Variants in ANKAR observed in about 807,000 individuals in gnomAD.
The protein encoded by ANKAR is ankyrin and armadillo repeat containing, also known as ankyrin and armadillo repeat-containing protein.
A neutral mutation model predicts 146.2 loss-of-function variants in ANKAR; 136 were observed. That is an observed-to-expected ratio of 0.93 (90% confidence interval 0.81 to 1.07). ANKAR has a LOEUF of 1.07. ANKAR is among the 50% of genes least tolerant of loss of function. The pLI, the probability that ANKAR is intolerant of heterozygous loss-of-function variation, is 0.00. For missense variants in ANKAR, 1,567 were observed against 1,679.9 expected (o/e 0.93, Z 1.18); for synonymous variants, 500 against 575.8 (o/e 0.87, Z 1.88).
chr2:189,696,042 A>C (rs762525862), intron 6 of ANKAR, 108 bp from the exon 7 acceptor site: 78 of 942,660 alleles, frequency 8.3e-5, no homozygotes, highest in Non-Finnish European at 1.2e-4. Context: ...ATTCTACTTA[A>C]TTTTAACAGC....
chr2:189,695,206 T>C, intron 6 of ANKAR, 45 bp downstream of exon 6: 1 of 1,446,042 alleles, frequency 6.9e-7, no homozygotes, highest in Non-Finnish European at 9.3e-7. Flanking sequence ...AAGTTATGTA[T>C]TATTGATAAG....
At chr2:189,702,197 A>G (rs2038172497) in intron 7 of ANKAR, among the ~76,000 whole-genome samples, 1 of 152,192 alleles carries the variant, frequency 6.6e-6, no homozygotes, top group Non-Finnish European at 1.5e-5. Flanking sequence ...GTTTCTCTTG[A>G]GAGCAGGTCT....
chr2:189,753,114 ATATC>A (rs2105989179), intron 18 of ANKAR: 1 of 658,994 alleles, frequency 1.5e-6, no homozygotes, highest in East Asian at 3.1e-5. Flanking sequence ...GGCAGATGAC[ATATC>A]TATGTAATAA....
chr2:189,752,627 TAA>T lies in ANKAR; in HGVS notation c.*584+7841_*584+7842del. 1.9e-6 allele frequency: 3 copies of T among 1,611,674 alleles called. No individual in the cohort carries two copies. The South Asian group carries it at 3.3e-5, about 18-fold the overall frequency. ...TTTGTCTTAAGTAATGTAACTTGCA[TAA>T]AGATCATGAATGATACCACATACTT... On this transcript the variant is annotated intron_variant and NMD_transcript_variant, in intron 18 of 18. Coordinates refer to the ANKAR transcript ENST00000441800.
intron 7 of ANKAR, 71 bp from the exon 8 acceptor site, chr2:189,704,952 A>G: frequency 7.0e-7 from 1 of 1,424,970 alleles, no homozygotes; most frequent in South Asian, 1.2e-5. Flanking sequence ...GCTGGATATC[A>G]ATAAGGCATT....
intron 22 of ANKAR, 129 bp downstream of exon 22, chr2:189,744,917 GGAGGCC>G: frequency 1.6e-6 from 1 of 642,834 alleles, no homozygotes; most frequent in Non-Finnish European, 2.6e-6. Context: ...CAGCACTTTG[GGAGGCC>G]GAGGTGGGCA....
At chr2:189,699,935 A>C (rs144279549) in intron 7 of ANKAR, among the ~76,000 whole-genome samples, 47 of 152,148 alleles carry the variant, frequency 3.1e-4, no homozygotes, top group African/African-American at 1.1e-3. Context: ...CAAAGTGCTG[A>C]GATTACAGGC....
At chr2:189,700,819 A>G (rs1257160458) in intron 7 of ANKAR, among the ~76,000 whole-genome samples, 3 of 152,204 alleles carry the variant, frequency 2.0e-5, no homozygotes, top group Non-Finnish European at 4.4e-5. Flanking sequence ...TTCACTTAAC[A>G]TAATGACCTC....
Position 189,733,196 on chromosome 2 carries a change from T to G in ANKAR, c.3390T>G (p.Ala1130=). The change falls in exon 17 of 23, where the codon GCT becomes GCG. Residue 1130 remains alanine (A), a synonymous_variant. Transcript: ENST00000684021. ...ATGAAAATGAAGGATTTGAATATGC[T>G]GATGTCCTTTATCTTCTTCACTCAA... is the stretch of plus-strand genomic sequence containing the variant. ...DLHENEGFEY[A]DVLYLLHSTE... 6.2e-7 allele frequency: 1 copy of G among 1,611,540 alleles called. No homozygotes were observed. The highest frequency in any genetic ancestry group is 8.5e-7 in the Non-Finnish European group (1 of 1,178,674).
intron 18 of ANKAR, among the ~76,000 whole-genome samples, chr2:189,755,934 G>A (rs1391283931): frequency 2.6e-5 from 4 of 152,128 alleles, no homozygotes; most frequent in Non-Finnish European, 2.9e-5. Context: ...AGATTACTGC[G>A]AAAGTATTTG....
chr2:189,700,284 C>T (rs185245994), intron 7 of ANKAR, among the ~76,000 whole-genome samples: 110 of 152,228 alleles, frequency 7.2e-4, no homozygotes, highest in African/African-American at 1.6e-3. Context: ...TATTTTCCTC[C>T]GCACACTTCC....
Position 189,705,208 on chromosome 2 carries a change from G to A in ANKAR, c.1894G>A (p.Ala632Thr), listed in dbSNP as rs1343426199. ...TAGGAAGGATCCTAGTTTGCTAGAA[G>A]CTGAGGCAACAGCTGAGTAAGTCAT... is the stretch of plus-strand genomic sequence containing the variant. ...LCRKDPSLLE[A>T]EATAENQCTP... The change falls in exon 8 of 23, where the codon GCT becomes ACT. Residue 632 changes from alanine (A) to threonine (T), a missense_variant. Coordinates refer to ENST00000684021, the MANE Select transcript of ANKAR (RefSeq NM_001378068.1). The A allele has an allele frequency of 6.2e-7, 1 of 1,614,024 alleles. No homozygotes were observed.
intron 12 of ANKAR, among the ~76,000 whole-genome samples, chr2:189,721,387 T>C (rs1367455081): frequency 6.6e-6 from 1 of 152,220 alleles, no homozygotes; most frequent in East Asian, 1.9e-4. Context: ...AATGGAAATA[T>C]TGGCATGGAT....
chr2:189,719,676 C>T lies in ANKAR; in HGVS notation c.2329C>T (p.His777Tyr), dbSNP rs1173040097. The change falls in exon 11 of 23, where the codon CAT (histidine) becomes TAT (tyrosine). Residue 777 changes from histidine to tyrosine, a missense_variant. By Grantham distance (83) the His-to-Tyr change is moderately conservative. Coordinates refer to ENST00000684021, the MANE Select transcript of ANKAR (RefSeq NM_001378068.1). ...TATCTCAACCCACAAAAGTGCAGTG[C>T]ATGCTTTGGTAGAAGCGGGAGGCAT... is the stretch of plus-strand genomic sequence containing the variant. ...SNISTHKSAV[H>Y]ALVEAGGIPS... is the part of the protein sequence containing the mutation. 2 of 1,614,016 alleles carry T rather than the reference C, an allele frequency of 1.2e-6. No homozygotes were observed. The highest frequency in any genetic ancestry group is 1.7e-6 in the Non-Finnish European group (2 of 1,180,032).
In ANKAR at chr2:189,676,760, CCCT is replaced by C. The variant is rs2033754462; in HGVS notation, c.271_273del (p.Pro91del). 1 of 1,613,970 alleles carries C rather than the reference CCCT, an allele frequency of 6.2e-7. No individual in the cohort carries two copies. The stretch of plus-strand genomic sequence containing the variant: ...CTGCAATCCTACTGACTCCCGTGGA[CCCT>C]ACTGCCCTCTTAGACTATAGAGAGG... On this transcript the variant is annotated inframe_deletion, in exon 2 of 23. Transcript: ENST00000684021.
rs1238632916 is a variant in ANKAR at position 189,742,904 on chromosome 2, TGACACACACA to T, written c.3811-370_3811-361del. Reference sequence around the variant, plus strand: ...CACACACACACACACTAGAATTACCTGACACACACACACACACACACACACACACACACAC... The same window carrying T: ...CACACACACACACACTAGAATTACCTCACACACACACACACACACACACAC... On this transcript the variant is annotated intron_variant, in intron 20 of 22. Transcript: ENST00000684021. Among the ~76,000 whole-genome samples, 67 of 10,556 alleles carry T rather than the reference TGACACACACA, an allele frequency of 6.3e-3. 1 individual carries two copies. Among genetic ancestry groups the T allele is most frequent in the Non-Finnish European group, 1.0e-2 (51 of 5,118 alleles). 6.9% of individuals were successfully genotyped at this position (10,556 alleles called of 152,430 possible).
chr2:189,740,855 G>C (rs1193323652), intron 19 of ANKAR, among the ~76,000 whole-genome samples: 1 of 151,946 alleles, frequency 6.6e-6, no homozygotes, highest in Admixed American at 6.6e-5. Context: ...CACCACGCCC[G>C]GCTAATTTTT....
At chr2:189,718,067 C>T (rs773713720) in intron 10 of ANKAR, among the ~76,000 whole-genome samples, 2 of 135,686 alleles carry the variant, frequency 1.5e-5, no homozygotes, top group Non-Finnish European at 3.1e-5. Context: ...GCACGTGTAC[C>T]CTAGAACTTA....
intron 7 of ANKAR, among the ~76,000 whole-genome samples, chr2:189,704,143 G>C (rs921882723): frequency 5.8e-3 from 203 of 35,248 alleles, no homozygotes; most frequent in Middle Eastern, 0.029. Context: ...TCTCATTATT[G>C]GGAATTTTTT....
Sources: allele counts gnomAD v4.1 joint callset (sites outside exome capture counted in the v4.1 genomes callset), GRCh38; gene constraint gnomAD v4.1.1; transcripts MANE v1.5; gene names NCBI Gene and HGNC (gene_info 2026-07-23, HGNC 2026-07-21).